Variants in THSD7B observed in about 807,000 individuals in gnomAD.
The protein encoded by THSD7B is thrombospondin type 1 domain containing 7B.
THSD7B carries 138 observed loss-of-function variants against 213.6 expected under a neutral mutation model. The ratio of observed to expected loss-of-function variants is 0.65; its 90% confidence interval spans 0.56 to 0.74. The LOEUF (loss-of-function observed/expected upper bound fraction) is 0.74. Among genes scored for constraint, THSD7B ranks in the 30% least tolerant of loss-of-function variants. The pLI, the probability that THSD7B is intolerant of heterozygous loss-of-function variation, is 0.00. For missense variants in THSD7B, 1,931 were observed against 1,991.5 expected (o/e 0.97, Z 0.58); for synonymous variants, 742 against 687.0 (o/e 1.08, Z -1.25).
At chr2:137,305,266 C>G (rs1331775381) in intron 12 of THSD7B, among the ~76,000 whole-genome samples, 1 of 152,064 alleles carries the variant, frequency 6.6e-6, no homozygotes, top group Non-Finnish European at 1.5e-5. Context: ...AAAAGCAGAA[C>G]CAGTATGGGA....
At chr2:137,014,571 A>G (rs1019967281) in intron 2 of THSD7B, among the ~76,000 whole-genome samples, 1 of 151,998 alleles carries the variant, frequency 6.6e-6, no homozygotes, top group Non-Finnish European at 1.5e-5. Context: ...TCAGCCTGGG[A>G]TTTCTTTCAT....
chr2:137,315,784 GT>G (rs1306337858), intron 12 of THSD7B, among the ~76,000 whole-genome samples: 1 of 152,150 alleles, frequency 6.6e-6, no homozygotes, highest in African/African-American at 2.4e-5. Flanking sequence ...GTTATCCCTA[GT>G]TACCCCATGA....
intron 5 of THSD7B, among the ~76,000 whole-genome samples, chr2:137,152,431 G>A (rs987777065): frequency 2.6e-5 from 4 of 152,136 alleles, no homozygotes; most frequent in Non-Finnish European, 4.4e-5. Flanking sequence ...GTATAGTGTA[G>A]TATTAAAGGA....
At chr2:137,517,736 G>T (rs956277247) in intron 15 of THSD7B, among the ~76,000 whole-genome samples, 1 of 152,180 alleles carries the variant, frequency 6.6e-6, no homozygotes, top group African/African-American at 2.4e-5. Context: ...GGTGCTGGAG[G>T]TATCAGTGGC....
At chr2:137,085,153 G>T (rs902971827) in intron 3 of THSD7B, among the ~76,000 whole-genome samples, 1 of 152,170 alleles carries the variant, frequency 6.6e-6, no homozygotes, top group Non-Finnish European at 1.5e-5. Flanking sequence ...AAGCTAAAAA[G>T]TAAAGACTTA....
chr2:137,131,655 G>A (rs1461802176), intron 5 of THSD7B, among the ~76,000 whole-genome samples: 1 of 152,176 alleles, frequency 6.6e-6, no homozygotes, highest in Non-Finnish European at 1.5e-5. Flanking sequence ...CCCATTGCTT[G>A]TTTTTGTCAG....
intron 5 of THSD7B, among the ~76,000 whole-genome samples, chr2:137,137,433 A>G (rs1160106926): frequency 6.6e-6 from 1 of 152,236 alleles, no homozygotes; most frequent in Non-Finnish European, 1.5e-5. Context: ...GACAAACCAC[A>G]AATGAGATGG....
chr2:137,143,481 G>T (rs1014212894), intron 5 of THSD7B, among the ~76,000 whole-genome samples: 1 of 152,100 alleles, frequency 6.6e-6, no homozygotes, highest in Non-Finnish European at 1.5e-5. Context: ...CAGCTCAGCT[G>T]GTGTGTCTTA....
intron 15 of THSD7B, among the ~76,000 whole-genome samples, chr2:137,555,246 G>A (rs933361963): frequency 1.1e-4 from 16 of 152,170 alleles, no homozygotes; most frequent in Non-Finnish European, 1.9e-4. Context: ...GACTGCCTCC[G>A]CAAGTGGGTC....
chr2:137,487,399 A>AAC (rs70978228), intron 15 of THSD7B, among the ~76,000 whole-genome samples: 1 of 142,666 alleles, frequency 7.0e-6, no homozygotes, highest in Non-Finnish European at 1.5e-5. Context: ...AAAAAAAAAA[A>AAC]GAACTAGAAA....
At chr2:137,349,907 G>A (rs1684969681) in intron 12 of THSD7B, among the ~76,000 whole-genome samples, 1 of 151,758 alleles carries the variant, frequency 6.6e-6, no homozygotes, top group Non-Finnish European at 1.5e-5. Context: ...AGCATCAGGT[G>A]TGACAATTGT....
chr2:137,566,291 C>T (rs1024949747), intron 16 of THSD7B, among the ~76,000 whole-genome samples: 1 of 152,156 alleles, frequency 6.6e-6, no homozygotes, highest in Admixed American at 6.5e-5. Flanking sequence ...GAATTTGGTC[C>T]ATTTGCTCAC....
chr2:137,119,503 G>A (rs1688507583), intron 5 of THSD7B, among the ~76,000 whole-genome samples: 1 of 152,152 alleles, frequency 6.6e-6, no homozygotes, highest in African/African-American at 2.4e-5. Flanking sequence ...AAAGGAGCTT[G>A]GAGAGTCCAT....
chr2:137,090,469 TTTTTA>T (rs1207851730), intron 3 of THSD7B, among the ~76,000 whole-genome samples: 1 of 152,188 alleles, frequency 6.6e-6, no homozygotes. Context: ...TTACCGCTGA[TTTTTA>T]TTTTATAAGA....
intron 2 of THSD7B, among the ~76,000 whole-genome samples, chr2:136,972,707 C>T (rs1685423203): frequency 6.6e-6 from 1 of 152,038 alleles, no homozygotes; most frequent in Non-Finnish European, 1.5e-5. Flanking sequence ...GGGTTTAAGA[C>T]AAGTTATTAG....
chr2:137,494,224 A>G (rs1413986323), intron 15 of THSD7B, among the ~76,000 whole-genome samples: 1 of 152,182 alleles, frequency 6.6e-6, no homozygotes, highest in Non-Finnish European at 1.5e-5. Context: ...GAATGAAATA[A>G]ATGGACTCTT....
chr2:137,333,640 T>C (rs994745028), intron 12 of THSD7B, among the ~76,000 whole-genome samples: 2 of 152,218 alleles, frequency 1.3e-5, no homozygotes, highest in Non-Finnish European at 2.9e-5. Context: ...ATCCTGTGTC[T>C]TCTTTGCACT....
intron 12 of THSD7B, among the ~76,000 whole-genome samples, chr2:137,288,789 CATAATATAT>C (rs200680093): frequency 0.026 from 3,068 of 119,202 alleles, 51 homozygotes; most frequent in Middle Eastern, 0.047. Flanking sequence ...TTTCTAGAAA[CATAATATAT>C]ATATATATAT....
rs1688165674 is a variant in THSD7B at position 137,475,011 on chromosome 2, A to T, written c.3138+23988A>T. 2.0e-5 allele frequency among the ~76,000 whole-genome samples: 3 copies of T among 152,146 alleles called. No individual in the cohort carries two copies. In the South Asian group the frequency reaches 6.2e-4, roughly 32 times the overall value. On this transcript the variant is annotated intron_variant, in intron 15 of 27. Coordinates refer to ENST00000409968, the MANE Select transcript of THSD7B (RefSeq NM_001316349.2). ...TCTAGGACTGGGTATTCTTGTACTTAAACTTCAGAAAGAAAGAAACTCTTT... is the reference window on the plus strand; with the variant it reads ...TCTAGGACTGGGTATTCTTGTACTTTAACTTCAGAAAGAAAGAAACTCTTT...
Sources: allele counts gnomAD v4.1 joint callset (sites outside exome capture counted in the v4.1 genomes callset), GRCh38; gene constraint gnomAD v4.1.1; transcripts MANE v1.5; gene names NCBI Gene and HGNC (gene_info 2026-07-23, HGNC 2026-07-21).